The following ACTN2 variants were observed in gnomAD, a reference collection of about 807,000 sequenced individuals.
ACTN2 encodes the protein actinin alpha 2.
A neutral mutation model predicts 113.8 loss-of-function variants in ACTN2; 39 were observed. The observed-to-expected ratio is 0.34, with a 90% confidence interval of 0.27 to 0.45. ACTN2 has a LOEUF of 0.45. Ranked by LOEUF, ACTN2 falls within the 20% of genes least tolerant of loss-of-function variation. ACTN2 has a pLI of 1.00. For missense variants in ACTN2, 992 were observed against 1,177.9 expected (o/e 0.84, Z 2.31); for synonymous variants, 429 against 444.1 (o/e 0.97, Z 0.43).
intron 14 of ACTN2, among the ~76,000 whole-genome samples, chr1:236,750,920 CT>C (rs149494099): frequency 0.036 from 5,434 of 151,406 alleles, 313 homozygotes; most frequent in African/African-American, 0.12. Flanking sequence ...GAGACCCTGT[CT>C]CTGCAAAAGA....
At chr1:236,741,152 C>A (rs1302240057) in intron 10 of ACTN2, among the ~76,000 whole-genome samples, 1 of 152,148 alleles carries the variant, frequency 6.6e-6, no homozygotes, top group Non-Finnish European at 1.5e-5. Flanking sequence ...TCAAGTGATC[C>A]TCCCACCTCA....
Position 236,754,179 on chromosome 1 carries a change from C to T in ACTN2, c.1974+98C>T. On this transcript the variant is annotated intron_variant, in intron 16 of 20. Coordinates refer to ENST00000366578, the MANE Select transcript of ACTN2 (RefSeq NM_001103.4). This position sits in a 1 kb window ranked among gnomAD's most constrained non-coding sequence, Gnocchi z 4.9. The stretch of plus-strand genomic sequence containing the variant: ...CGCACATGCTGTGGTTTCCAGCCAC[C>T]CACTCAGTCAGGTGGGAGCACCGTT... The T allele has an allele frequency of 1.3e-6, 2 of 1,522,760 alleles. No homozygotes were observed. The highest frequency in any genetic ancestry group is 2.3e-5 in the South Asian group (2 of 88,666). 94.3% of individuals were successfully genotyped at this position (1,522,760 alleles called of 1,614,324 possible).
chr1:236,688,376 CT>C (rs539065333), intron 1 of ACTN2, among the ~76,000 whole-genome samples: 261 of 142,326 alleles, frequency 1.8e-3, no homozygotes, highest in South Asian at 2.0e-3. Flanking sequence ...TTTCTGTTGC[CT>C]TTTTTTTTTT....
At chr1:236,758,958 C>T (rs1659629310) in intron 18 of ACTN2, among the ~76,000 whole-genome samples, 1 of 152,178 alleles carries the variant, frequency 6.6e-6, no homozygotes, top group Non-Finnish European at 1.5e-5. Flanking sequence ...AGGGATGTAC[C>T]ATTACTTTGC....
intron 7 of ACTN2, 141 bp downstream of exon 7, chr1:236,731,455 C>T: frequency 1.5e-6 from 1 of 681,960 alleles, no homozygotes; most frequent in Admixed American, 2.2e-5. Context: ...CTGTCACTGG[C>T]CACATAAGTA....
At chr1:236,753,883 T>C (rs985420124) in intron 15 of ACTN2, 64 bp from the exon 16 acceptor site, 1 of 744,162 alleles carries the variant, frequency 1.3e-6, no homozygotes, top group Non-Finnish European at 2.2e-6. Context: ...ATTCCCGCAT[T>C]CTGTGGTTGT....
chr1:236,764,260 A>G lies in ACTN2; in HGVS notation c.*1641A>G, dbSNP rs1659785969. The G allele has an allele frequency of 6.6e-6, 1 of 152,222 alleles. No homozygotes were observed. Among genetic ancestry groups the G allele is most frequent in the Non-Finnish European group, 1.5e-5 (1 of 68,042 alleles). The allele number at this position is 152,222 out of a possible 1,614,324, so 9.4% of individuals were successfully genotyped here. A position where few individuals can be genotyped will look rare whatever the true frequency, so the allele number is the denominator to read the frequency against. ...ATTTGAATCCTTGAGTTTAATGCCA[A>G]ACACTTTTGGGGTGGTTTAGATGAA... On this transcript the variant is annotated 3_prime_UTR_variant, in exon 21 of 21. Transcript: ENST00000366578.
At chr1:236,744,099 A>T (rs1323466347) in intron 11 of ACTN2, among the ~76,000 whole-genome samples, 1 of 152,196 alleles carries the variant, frequency 6.6e-6, no homozygotes, top group East Asian at 1.9e-4. Flanking sequence ...TATATGGGAA[A>T]ATGTAAGTGG....
intron 1 of ACTN2, among the ~76,000 whole-genome samples, chr1:236,711,288 C>A (rs1453453562): frequency 6.6e-6 from 1 of 152,214 alleles, no homozygotes; most frequent in African/African-American, 2.4e-5. Flanking sequence ...CACTGTTGAA[C>A]ACTGTTTTCC....
intron 11 of ACTN2, among the ~76,000 whole-genome samples, chr1:236,743,358 C>T (rs1156918939): frequency 6.6e-6 from 1 of 152,212 alleles, no homozygotes; most frequent in Admixed American, 6.5e-5. Flanking sequence ...CATTCCCTAA[C>T]TGGTAGTCAG....
chr1:236,726,616 T>C (rs528112020), intron 5 of ACTN2, among the ~76,000 whole-genome samples: 24 of 152,290 alleles, frequency 1.6e-4, no homozygotes, highest in African/African-American at 5.5e-4. Context: ...TGGTTATATT[T>C]TCACCTTTGG....
chr1:236,750,064 C>T (rs1264421504), intron 14 of ACTN2, among the ~76,000 whole-genome samples: 1 of 152,062 alleles, frequency 6.6e-6, no homozygotes, highest in East Asian at 1.9e-4. Context: ...ATAGTTTTTT[C>T]TGGAACTTCA....
chr1:236,732,029 A>G (rs1346295107), intron 7 of ACTN2, among the ~76,000 whole-genome samples: 1 of 152,210 alleles, frequency 6.6e-6, no homozygotes, highest in African/African-American at 2.4e-5. Flanking sequence ...CAAGAAGCTT[A>G]TATTCATATA....
intron 9 of ACTN2, 96 bp downstream of exon 9, chr1:236,737,310 T>TATAC: frequency 6.7e-6 from 2 of 299,254 alleles, no homozygotes; most frequent in South Asian, 6.7e-5. Flanking sequence ...TATATATATA[T>TATAC]ATATATATTT....
At position 236,736,115 on chromosome 1, in the gene ACTN2, G is replaced by A. The variant is rs1178336351; in HGVS notation, c.783+395G>A. ...GCTTAGAAATTGCCTTCACAGTTCC[G>A]TGATTTGGTCTAACATCCTTCAAGA... is the stretch of plus-strand genomic sequence containing the variant. On this transcript the variant is annotated intron_variant, in intron 8 of 20. Transcript: ENST00000366578. Among the ~76,000 whole-genome samples, 4 of 152,328 alleles carry A rather than the reference G, an allele frequency of 2.6e-5. No individual in the cohort carries two copies. In the East Asian group the frequency reaches 5.8e-4, roughly 22 times the overall value.
At chr1:236,687,206 A>C (rs1262752935) in intron 1 of ACTN2, among the ~76,000 whole-genome samples, 10 of 152,070 alleles carry the variant, frequency 6.6e-5, no homozygotes, top group Non-Finnish European at 1.5e-4. Context: ...AAAGAACATC[A>C]GCTTCATTGC....
intron 1 of ACTN2, among the ~76,000 whole-genome samples, chr1:236,700,297 C>G (rs1657634779): frequency 6.6e-6 from 1 of 152,222 alleles, no homozygotes; most frequent in Admixed American, 6.5e-5. Flanking sequence ...ATTCTCCTGC[C>G]TCAGCCTCCC....
At chr1:236,725,758 T>A (rs1161104484) in intron 4 of ACTN2, among the ~76,000 whole-genome samples, 175 bp from the exon 5 acceptor site, 2 of 152,210 alleles carry the variant, frequency 1.3e-5, no homozygotes, top group Non-Finnish European at 2.9e-5. Flanking sequence ...TCCCTAAGTG[T>A]CATCAGAATT....
chr1:236,709,255 T>TATATATACACAC lies in ACTN2; in HGVS notation c.127-8602_127-8601insTATATACACACA, dbSNP rs796606511. Among the ~76,000 whole-genome samples, 611 of 68,742 alleles carry TATATATACACAC rather than the reference T, an allele frequency of 8.9e-3. 6 individuals carry two copies. Among genetic ancestry groups the TATATATACACAC allele is most frequent in the Non-Finnish European group, 0.012 (442 of 35,808 alleles). 45.1% of individuals were successfully genotyped at this position (68,742 alleles called of 152,430 possible). The stretch of plus-strand genomic sequence containing the variant: ...ATATATATATATATATATATATATA[T>TATATATACACAC]ACACACACACACACACATATATATG... On this transcript the variant is annotated intron_variant, in intron 1 of 20. Coordinates refer to ENST00000366578, the MANE Select transcript of ACTN2 (RefSeq NM_001103.4).
Sources: allele counts gnomAD v4.1 joint callset (sites outside exome capture counted in the v4.1 genomes callset), GRCh38; gene constraint gnomAD v4.1.1; non-coding constraint Gnocchi (gnomAD v3.1); transcripts MANE v1.5; gene names NCBI Gene and HGNC (gene_info 2026-07-23, HGNC 2026-07-21).